The following TTC33 variants were observed in gnomAD, a reference collection of about 807,000 sequenced individuals.
TTC33 encodes the protein tetratricopeptide repeat domain 33, also known as tetratricopeptide repeat protein 33.
A neutral mutation model predicts 29.4 loss-of-function variants in TTC33; 24 were observed. The observed-to-expected ratio is 0.82, with a 90% CI of 0.59 to 1.15. The LOEUF (loss-of-function observed/expected upper bound fraction) is 1.15. Among genes scored for constraint, TTC33 ranks in the 50% most tolerant of loss-of-function variants. TTC33 has a pLI of 0.00. For missense variants in TTC33, 286 were observed against 310.4 expected (o/e 0.92, Z 0.59); for synonymous variants, 107 against 100.3 (o/e 1.07, Z -0.40).
rs1244377374 is a variant in TTC33 at position 40,714,217 on chromosome 5, T to C, written c.*1928A>G. ...TATAATACTGGAATCAGAGACTTCT[T>C]ACTTTCAGATAAGGAAAGGATTACA... On this transcript the variant is annotated 3_prime_UTR_variant, in exon 5 of 5. Coordinates refer to ENST00000337702, the MANE Select transcript of TTC33 (RefSeq NM_012382.3). Among the ~76,000 whole-genome samples the C allele has an allele frequency of 6.6e-6, 1 of 152,194 alleles. No individual in the cohort carries two copies. The highest frequency in any genetic ancestry group is 1.5e-5 in the Non-Finnish European group (1 of 68,030).
intron 4 of TTC33, among the ~76,000 whole-genome samples, chr5:40,726,472 T>A (rs1742289666): frequency 1.3e-5 from 2 of 151,724 alleles, no homozygotes; most frequent in Admixed American, 1.3e-4. Context: ...CTTTTTTTTT[T>A]ACCATTCTAG....
At chr5:40,738,671 T>C (rs370672601) in intron 2 of TTC33, among the ~76,000 whole-genome samples, 1 of 152,082 alleles carries the variant, frequency 6.6e-6, no homozygotes, top group South Asian at 2.1e-4. Flanking sequence ...ATGAGCAATG[T>C]ATAAAAGTTT....
In TTC33 at chr5:40,737,173, T is replaced by C. The variant is rs1347248536; in HGVS notation, c.222-6830A>G. ...TCAGCCAGGCATGGTGGCGCACACC[T>C]GTAGCCCCAGCTCCTCAGGAGGCTG... On this transcript the variant is annotated intron_variant, in intron 2 of 4. Coordinates refer to ENST00000337702, the MANE Select transcript of TTC33 (RefSeq NM_012382.3). Among the ~76,000 whole-genome samples the C allele has an allele frequency of 3.9e-5, 6 of 152,184 alleles. No homozygotes were observed. In the East Asian group the frequency reaches 1.2e-3, roughly 29 times the overall value.
intron 4 of TTC33, among the ~76,000 whole-genome samples, chr5:40,726,676 T>C (rs1181306297): frequency 6.6e-6 from 1 of 152,056 alleles, no homozygotes; most frequent in African/African-American, 2.4e-5. Context: ...AAATTATTTT[T>C]ATTGGATGAT....
intron 2 of TTC33, among the ~76,000 whole-genome samples, chr5:40,733,392 C>A (rs1445936834): frequency 6.6e-6 from 1 of 152,064 alleles, no homozygotes; most frequent in Non-Finnish European, 1.5e-5. Flanking sequence ...CCAAAATAAG[C>A]CATAAACAAT....
chr5:40,733,901 CAG>C (rs1042563115), intron 2 of TTC33, among the ~76,000 whole-genome samples: 3 of 152,140 alleles, frequency 2.0e-5, no homozygotes, highest in African/African-American at 7.2e-5. Flanking sequence ...TACATACAAA[CAG>C]ACATACACAC....
intron 1 of TTC33, among the ~76,000 whole-genome samples, chr5:40,754,298 G>A (rs1436132432): frequency 6.6e-6 from 1 of 152,140 alleles, no homozygotes; most frequent in African/African-American, 2.4e-5. Context: ...CTGAAAGAGG[G>A]AGACAAAAAT....
chr5:40,720,999 A>T (rs950338260), intron 4 of TTC33, among the ~76,000 whole-genome samples: 3 of 152,224 alleles, frequency 2.0e-5, no homozygotes, highest in Non-Finnish European at 4.4e-5. Flanking sequence ...ACCAGAGATA[A>T]CGGAGGTTTG....
At chr5:40,750,793 C>T (rs184102719) in intron 1 of TTC33, among the ~76,000 whole-genome samples, 1 of 152,304 alleles carries the variant, frequency 6.6e-6, no homozygotes, top group East Asian at 1.9e-4. Flanking sequence ...AGCATCTTCA[C>T]CAGGCGTAGA....
chr5:40,732,288 A>AT (rs1333794936), intron 2 of TTC33, among the ~76,000 whole-genome samples: 1 of 152,084 alleles, frequency 6.6e-6, no homozygotes, highest in Non-Finnish European at 1.5e-5. Flanking sequence ...AAGTGCTGAG[A>AT]TTACAGGGGT....
intron 4 of TTC33, among the ~76,000 whole-genome samples, chr5:40,721,356 T>C (rs924162843): frequency 2.0e-5 from 3 of 151,742 alleles, no homozygotes; most frequent in Admixed American, 1.3e-4. Context: ...TTTCAAAATA[T>C]ATTACAAAGT....
intron 1 of TTC33, among the ~76,000 whole-genome samples, chr5:40,747,434 T>C (rs926149555): frequency 3.9e-5 from 6 of 152,112 alleles, no homozygotes; most frequent in Non-Finnish European, 1.5e-5. Flanking sequence ...TCACCATTTT[T>C]CAACCCTAAT....
chr5:40,726,428 CAT>C (rs1032478282), intron 4 of TTC33, among the ~76,000 whole-genome samples: 2 of 151,366 alleles, frequency 1.3e-5, no homozygotes, highest in Non-Finnish European at 2.9e-5. Flanking sequence ...ATATATTTTA[CAT>C]AGTGTCCCTT....
intron 2 of TTC33, among the ~76,000 whole-genome samples, chr5:40,744,493 T>TTC (rs1052328370): frequency 6.6e-6 from 1 of 151,402 alleles, no homozygotes; most frequent in Non-Finnish European, 1.5e-5. Flanking sequence ...ACCAGTTTTT[T>TTC]TTTTTTTTTT....
chr5:40,730,418 G>A, intron 2 of TTC33, 75 bp from the exon 3 acceptor site: 1 of 1,184,150 alleles, frequency 8.4e-7, no homozygotes, highest in Non-Finnish European at 1.2e-6. Context: ...AATTTTTATT[G>A]TAGTAAAATA....
chr5:40,747,873 T>A (rs1174881524), intron 1 of TTC33, among the ~76,000 whole-genome samples: 1 of 152,186 alleles, frequency 6.6e-6, no homozygotes, highest in Non-Finnish European at 1.5e-5. Flanking sequence ...TTGCCCAAGC[T>A]GTAGTGCAAC....
intron 2 of TTC33, among the ~76,000 whole-genome samples, chr5:40,740,099 C>G (rs1210739851): frequency 6.6e-6 from 1 of 151,924 alleles, no homozygotes; most frequent in African/African-American, 2.4e-5. Flanking sequence ...TTCATGCTAT[C>G]TATTACAATT....
chr5:40,737,643 T>A lies in TTC33; in HGVS notation c.222-7300A>T, dbSNP rs190643405. Among the ~76,000 whole-genome samples the A allele has an allele frequency of 5.9e-5, 9 of 152,338 alleles. No individual in the cohort carries two copies. The East Asian group carries it at 1.7e-3, about 29-fold the overall frequency. On this transcript the variant is annotated intron_variant, in intron 2 of 4. Coordinates refer to ENST00000337702, the MANE Select transcript of TTC33 (RefSeq NM_012382.3). ...ACTTGAAGCATACTTTCTGATGAGT[T>A]TTGAGAAATGTATATACTCATGTAA...
At chr5:40,735,226 G>A (rs1333522015) in intron 2 of TTC33, among the ~76,000 whole-genome samples, 1 of 152,192 alleles carries the variant, frequency 6.6e-6, no homozygotes, top group Non-Finnish European at 1.5e-5. Context: ...ATACAACAGT[G>A]AGACATGAAT....
Sources: gnomAD v4.1 joint callset for allele counts (sites outside exome capture counted in the v4.1 genomes callset) on GRCh38, gnomAD v4.1.1 for gene constraint, MANE v1.5 for transcripts, NCBI Gene and HGNC (gene_info 2026-07-23, HGNC 2026-07-21) for gene names.